ME3: variants seen among roughly 807,000 people sequenced by gnomAD.
ME3 encodes NADP-dependent malic enzyme, mitochondrial.
ME3 carries 48 observed loss-of-function variants against 68.9 expected under a neutral mutation model. That is an observed-to-expected ratio of 0.70 (90% CI 0.55 to 0.89). ME3 has a LOEUF of 0.89. Among genes scored for constraint, ME3 ranks in the 40% least tolerant of loss-of-function variants. ME3 has a pLI of 0.00. For synonymous variants in ME3, 320 were observed against 318.8 expected (o/e 1.00, Z -0.04); for missense variants, 675 against 797.4 (o/e 0.85, Z 1.85).
intron 2 of ME3, among the ~76,000 whole-genome samples, chr11:86,636,712 GA>G (rs1293737786): frequency 6.6e-6 from 1 of 152,196 alleles, no homozygotes; most frequent in African/African-American, 2.4e-5. Flanking sequence ...TGCTGTGTGT[GA>G]TCTTGAACAA....
intron 14 of ME3, 106 bp from the exon 15 acceptor site, chr11:86,441,546 C>T (rs1948997862): frequency 8.7e-7 from 1 of 1,144,732 alleles, no homozygotes; most frequent in South Asian, 2.0e-5. Context: ...AGGAACCAGA[C>T]TTGTTTCTTT....
intron 7 of ME3, 39 bp from the exon 8 acceptor site, chr11:86,465,239 C>G: frequency 1.5e-5 from 21 of 1,446,794 alleles, no homozygotes; most frequent in Non-Finnish European, 2.0e-5. Flanking sequence ...GATTGCCTCT[C>G]TGAGGCAGAT....
intron 4 of ME3, among the ~76,000 whole-genome samples, chr11:86,527,850 A>G (rs1452523443): frequency 2.0e-5 from 3 of 152,248 alleles, no homozygotes; most frequent in East Asian, 1.9e-4. Context: ...GAGCTCCTGA[A>G]GGAAGCACTA....
chr11:86,574,929 A>T (rs1017840472), intron 2 of ME3, among the ~76,000 whole-genome samples: 1 of 117,928 alleles, frequency 8.5e-6, no homozygotes, highest in African/African-American at 4.0e-5. Flanking sequence ...GTATCTGCAA[A>T]TTCCAAGGAT....
At chr11:86,482,678 C>G (rs1951478904) in intron 7 of ME3, among the ~76,000 whole-genome samples, 1 of 151,576 alleles carries the variant, frequency 6.6e-6, no homozygotes, top group Admixed American at 6.6e-5. Context: ...GGCCTGGCAG[C>G]TTCCACTCTT....
chr11:86,528,916 G>A (rs1183219079), intron 4 of ME3, among the ~76,000 whole-genome samples: 1 of 152,014 alleles, frequency 6.6e-6, no homozygotes. Flanking sequence ...AAAGATCTAA[G>A]ATTGATACCC....
At chr11:86,495,277 C>A (rs891916760) in intron 6 of ME3, among the ~76,000 whole-genome samples, 21 of 152,120 alleles carry the variant, frequency 1.4e-4, no homozygotes, top group African/African-American at 5.1e-4. Context: ...ACTGAGTGGT[C>A]CATAAAAAGG....
At chr11:86,658,333 G>A (rs1565287420) in intron 2 of ME3, among the ~76,000 whole-genome samples, 1 of 151,872 alleles carries the variant, frequency 6.6e-6, no homozygotes, top group Admixed American at 6.6e-5. Context: ...ATGTTGTCCA[G>A]CCTGGTCTCG....
At chr11:86,465,712 G>C (rs1230676056) in intron 7 of ME3, among the ~76,000 whole-genome samples, 1 of 152,202 alleles carries the variant, frequency 6.6e-6, no homozygotes, top group Non-Finnish European at 1.5e-5. Context: ...TCTGGCACCA[G>C]GCATTGTTCT....
intron 7 of ME3, among the ~76,000 whole-genome samples, chr11:86,469,807 G>A (rs548117963): frequency 6.6e-6 from 1 of 151,954 alleles, no homozygotes; most frequent in African/African-American, 2.4e-5. Flanking sequence ...CAAAGCCAGG[G>A]CTCACTTAGA....
At chr11:86,603,219 C>T (rs2135134174) in intron 2 of ME3, among the ~76,000 whole-genome samples, 1 of 152,010 alleles carries the variant, frequency 6.6e-6, no homozygotes, top group East Asian at 1.9e-4. Flanking sequence ...GGCTAATATC[C>T]AGAATCTACA....
At chr11:86,671,728 G>T in intron 2 of ME3, 34 bp downstream of exon 2, 1 of 1,591,582 alleles carries the variant, frequency 6.3e-7, no homozygotes, top group Non-Finnish European at 8.5e-7. Context: ...CCACGGGATC[G>T]CAACGCGGGC....
At chr11:86,633,150 C>G (rs1944122339) in intron 2 of ME3, among the ~76,000 whole-genome samples, 1 of 152,208 alleles carries the variant, frequency 6.6e-6, no homozygotes, top group Non-Finnish European at 1.5e-5. Flanking sequence ...GTCACAGAAA[C>G]TCATCTCTGT....
chr11:86,484,356 C>T (rs1951575448), intron 7 of ME3, among the ~76,000 whole-genome samples: 1 of 152,026 alleles, frequency 6.6e-6, no homozygotes, highest in African/African-American at 2.4e-5. Context: ...CTACTGTATT[C>T]CCAAGAGTGC....
chr11:86,650,374 A>C (rs1945320205), intron 2 of ME3, among the ~76,000 whole-genome samples: 1 of 152,242 alleles, frequency 6.6e-6, no homozygotes, highest in African/African-American at 2.4e-5. Context: ...AACCTAGGCA[A>C]TACCATTCAG....
chr11:86,551,633 T>C (rs942777121), intron 4 of ME3, among the ~76,000 whole-genome samples: 1 of 152,220 alleles, frequency 6.6e-6, no homozygotes, highest in African/African-American at 2.4e-5. Flanking sequence ...GGAGTTGTTA[T>C]AGGGCTCAAC....
At chr11:86,531,991 C>G (rs28803287) in intron 4 of ME3, among the ~76,000 whole-genome samples, 1 of 137,818 alleles carries the variant, frequency 7.3e-6, no homozygotes, top group Non-Finnish European at 1.6e-5. Flanking sequence ...AAAAACCAAA[C>G]CAAAAAAAAA....
At chr11:86,654,917 A>G (rs2135455158) in intron 2 of ME3, among the ~76,000 whole-genome samples, 1 of 152,346 alleles carries the variant, frequency 6.6e-6, no homozygotes, top group South Asian at 2.1e-4. Context: ...TACAAAATCA[A>G]TGTGCAAAAA....
intron 6 of ME3, among the ~76,000 whole-genome samples, chr11:86,490,509 T>A (rs150975642): frequency 6.6e-6 from 1 of 152,180 alleles, no homozygotes; most frequent in Non-Finnish European, 1.5e-5. Context: ...TGATAAATGA[T>A]AGTAGAGTAA....
Sources: gnomAD v4.1 joint callset for allele counts (sites outside exome capture counted in the v4.1 genomes callset) on GRCh38, gnomAD v4.1.1 for gene constraint, MANE v1.5 for transcripts, NCBI Gene and HGNC (gene_info 2026-07-23, HGNC 2026-07-21) for gene names.